The following PAPLN variants were observed in gnomAD, a reference collection of about 807,000 sequenced individuals.
PAPLN encodes the protein papilin, proteoglycan like sulfated glycoprotein, also known as papilin.
A neutral mutation model predicts 159.0 loss-of-function variants in PAPLN; 146 were observed. The ratio of observed to expected loss-of-function variants is 0.92; its 90% CI spans 0.80 to 1.05. The LOEUF is 1.05. Among genes scored for constraint, PAPLN ranks in the 50% least tolerant of loss-of-function variants. PAPLN has a pLI of 0.00. For missense variants in PAPLN, 1,720 were observed against 1,743.9 expected, an observed-to-expected ratio of 0.99 and a Z score of 0.24; for synonymous variants, 734 against 702.9, an observed-to-expected ratio of 1.04 and a Z score of -0.70.
chr14:73,260,093 T>C (rs1223360101), intron 16 of PAPLN, among the ~76,000 whole-genome samples: 1 of 152,082 alleles, frequency 6.6e-6, no homozygotes, highest in Non-Finnish European at 1.5e-5. Context: ...TGGGGGCAGT[T>C]CCCAGCTCAG....
chr14:73,249,866 C>T lies in PAPLN; in HGVS notation c.335-118C>T, dbSNP rs934940696. On this transcript the variant is annotated intron_variant, in intron 5 of 26. Coordinates refer to ENST00000644200, the MANE Select transcript of PAPLN (RefSeq NM_001365906.3). ...GGATGGGGCGGGGATCTGTGCTCTG[C>T]GGGGCCTGCTGCAGGGCTTTCTGAC... 20 of 1,201,306 alleles carry T rather than the reference C, an allele frequency of 1.7e-5. No homozygotes were observed. In the South Asian group the frequency reaches 1.7e-4, roughly 10 times the overall value. The allele number at this position is 1,201,306 out of a possible 1,614,324, so 74.4% of individuals were successfully genotyped here.
At chr14:73,258,086 C>T (rs1886133137) in intron 14 of PAPLN, among the ~76,000 whole-genome samples, 1 of 152,158 alleles carries the variant, frequency 6.6e-6, no homozygotes, top group Non-Finnish European at 1.5e-5. Flanking sequence ...CTTTCTATCC[C>T]TTTGTCTATT....
At chr14:73,257,671 G>A (rs1180627606) in intron 14 of PAPLN, among the ~76,000 whole-genome samples, 1 of 150,262 alleles carries the variant, frequency 6.7e-6, no homozygotes, top group Non-Finnish European at 1.5e-5. Flanking sequence ...GAAATGCATA[G>A]TGAGCAGCCA....
In PAPLN at chr14:73,257,753, C is replaced by CTTTT. The variant is rs562890068; in HGVS notation, c.1628-1201_1628-1198dup. ...GTTTTCATTATCTAGTCTCTTTCTT[C>CTTTT]TTTTTTTTTTTTTTTTTTTTTTTTT... On this transcript the variant is annotated intron_variant, in intron 14 of 26. Transcript: ENST00000644200. 8.9e-4 allele frequency among the ~76,000 whole-genome samples: 81 copies of CTTTT among 91,260 alleles called. 3 individuals are homozygous for CTTTT. The highest frequency in any genetic ancestry group is 1.3e-3 in the African/African-American group (31 of 24,670). 59.9% of individuals were successfully genotyped at this position (91,260 alleles called of 152,430 possible).
In PAPLN at chr14:73,259,386, C is replaced by T. The variant is rs777795728; in HGVS notation, c.1826C>T (p.Ala609Val). 4.3e-6 allele frequency: 7 copies of T among 1,612,346 alleles called. No individual in the cohort carries two copies. The highest frequency in any genetic ancestry group is 5.9e-6 in the Non-Finnish European group (7 of 1,179,390). Residue 609 changes from alanine (A) to valine (V), a missense_variant, in exon 16 of 27, where the codon GCT (alanine) becomes GTT (valine). By Grantham distance (64) the Ala-to-Val change is moderately conservative. Transcript: ENST00000644200. ...ACCCACCTGTCAGCCCTGGGCCCCG[C>T]TCCCTCTCTGCAGCAGCCCCCATAC... ...QGTHLSALGP[A>V]PSLQQPPYQQ...
At chr14:73,251,630 C>T (rs1885262305) in intron 8 of PAPLN, 34 bp from the exon 9 acceptor site, 2 of 1,613,382 alleles carry the variant, frequency 1.2e-6, no homozygotes, top group African/African-American at 2.7e-5. Context: ...GGCACTGCTC[C>T]CTCTGGCTGA....
At chr14:73,236,826 A>G (rs1177375219), upstream of PAPLN, among the ~76,000 whole-genome samples, 3 of 151,278 alleles carry the variant, frequency 2.0e-5, no homozygotes, top group Non-Finnish European at 4.4e-5. Flanking sequence ...AAAAAAAAAA[A>G]AAAGAAAAGG....
chr14:73,237,766 A>G (rs1475286256), intron 1 of PAPLN, among the ~76,000 whole-genome samples, 174 bp downstream of exon 1: 1 of 152,030 alleles, frequency 6.6e-6, no homozygotes, highest in Non-Finnish European at 1.5e-5. Flanking sequence ...GCGCAGGGTC[A>G]TCGCTCGGCA....
intron 2 of PAPLN, 45 bp downstream of exon 2, chr14:73,239,877 G>C: frequency 1.3e-6 from 2 of 1,523,492 alleles, no homozygotes; most frequent in Non-Finnish European, 1.8e-6. Context: ...CTGCAGGGGA[G>C]TCGGGGGCGG....
At chr14:73,247,698 G>A (rs1884604097) in intron 5 of PAPLN, among the ~76,000 whole-genome samples, 1 of 148,642 alleles carries the variant, frequency 6.7e-6, no homozygotes, top group Non-Finnish European at 1.5e-5. Flanking sequence ...GATCGTGGCT[G>A]TGGGCATGGC....
At position 73,261,450 on chromosome 14, in the gene PAPLN, G is replaced by A. The variant is rs191537235; in HGVS notation, c.2245+156G>A. ...TGCCTGCTAGGTGCCAGGCCAGAGA[G>A]CAGTGCCAGAGTGTTCTCGCATCCA... is the stretch of plus-strand genomic sequence containing the variant. On this transcript the variant is annotated intron_variant, in intron 18 of 26. Coordinates refer to ENST00000644200, the MANE Select transcript of PAPLN (RefSeq NM_001365906.3). Among the ~76,000 whole-genome samples, 481 of 152,366 alleles carry A rather than the reference G, an allele frequency of 3.2e-3. 1 individual carries two copies. The highest frequency in any genetic ancestry group is 0.011 in the African/African-American group (452 of 41,586).
chr14:73,258,618 T>TTAAAAAAAAAAAAAAAAA (rs1886187433), intron 14 of PAPLN, among the ~76,000 whole-genome samples: 2 of 75,766 alleles, frequency 2.6e-5, no homozygotes, highest in Non-Finnish European at 4.9e-5. Flanking sequence ...ACCCTATCTC[T>TTAAAAAAAAAAAAAAAAA]AAAAAAAAAA....
At chr14:73,239,718 G>A in intron 1 of PAPLN, 55 bp from the exon 2 acceptor site, 2 of 1,535,132 alleles carry the variant, frequency 1.3e-6, no homozygotes, top group East Asian at 2.4e-5. Context: ...TCTCGCCCGC[G>A]CCCAGGACAG....
At chr14:73,266,455 G>A (rs1261773813) in intron 23 of PAPLN, 46 bp from the exon 24 acceptor site, 2 of 1,605,888 alleles carry the variant, frequency 1.2e-6, no homozygotes, top group Admixed American at 3.4e-5. Context: ...TGGAGGAGAG[G>A]GGAGGCTCCT....
In PAPLN at chr14:73,264,249, C is replaced by T; in HGVS notation, c.2900C>T (p.Pro967Leu). 1 of 1,614,018 alleles carries T rather than the reference C, an allele frequency of 6.2e-7. No individual in the cohort carries two copies. Residue 967 changes from proline (P) to leucine (L), a missense_variant, in exon 21 of 27, where the codon CCC (proline) becomes CTC (leucine). Pro to Leu is a moderately conservative substitution (Grantham distance 98). Coordinates refer to ENST00000644200, the MANE Select transcript of PAPLN (RefSeq NM_001365906.3). The part of the protein sequence containing the change: ...LQFDGSLIIH[P>L]LQAEDAGTYS... ...TTCGACGGATCCCTGATCATCCACCCCCTGCAGGCAGAGGACGCGGGCACC... is the reference window on the plus strand; with the variant it reads ...TTCGACGGATCCCTGATCATCCACCTCCTGCAGGCAGAGGACGCGGGCACC...
chr14:73,264,718 T>A lies in PAPLN; in HGVS notation c.3117T>A (p.Pro1039=). 1 of 1,612,934 alleles carries A rather than the reference T, an allele frequency of 6.2e-7. No individual in the cohort carries two copies. The highest frequency in any genetic ancestry group is 8.5e-7 in the Non-Finnish European group (1 of 1,179,836). The change falls in exon 22 of 27, where the codon CCT becomes CCA. Residue 1039 remains proline, a synonymous_variant. Coordinates refer to ENST00000644200, the MANE Select transcript of PAPLN (RefSeq NM_001365906.3). The stretch of plus-strand genomic sequence containing the variant: ...CCATCCCCTCTTCACACCCACAGCC[T>A]GCAAACAGGTAAGAACTCAGCAATG... ...LGAIPSSHPQ[P]ANRLRLDQNQ...
rs772755579 is a variant in PAPLN, at chr14:73,259,498, C to T, written c.1938C>T (p.Leu646=). Reference sequence around the variant, plus strand: ...GCCCCGATGGCCACACGGCATCTCTCGGGCCTCAGTGGCAAGGCTGCCCTG... The same window carrying T: ...GCCCCGATGGCCACACGGCATCTCTTGGGCCTCAGTGGCAAGGCTGCCCTG... ...GCCPDGHTAS[L]GPQWQGCPGA... is the part of the protein sequence containing the mutation. Residue 646 remains leucine, a synonymous_variant, in exon 16 of 27, where the codon CTC becomes CTT. Transcript: ENST00000644200. The T allele has an allele frequency of 5.6e-6, 9 of 1,602,300 alleles. No homozygotes were observed. The highest frequency in any genetic ancestry group is 3.4e-5 in the Admixed American group (2 of 58,808).
chr14:73,250,997 G>A lies in PAPLN; in HGVS notation c.556G>A (p.Ala186Thr), dbSNP rs766579167. Residue 186 changes from alanine (A) to threonine (T), a missense_variant, in exon 7 of 27, where the codon GCA becomes ACA. Ala to Thr is a moderately conservative substitution (Grantham distance 58, BLOSUM62 0). Coordinates refer to ENST00000644200, the MANE Select transcript of PAPLN (RefSeq NM_001365906.3). ...TGACGGCACGACCTGCTACCCCGTC[G>A]CAGGCACCTTTGACGCTAATGACCT... ...GGDGTTCYPV[A>T]GTFDANDLSR... 20 of 1,613,248 alleles carry A rather than the reference G, an allele frequency of 1.2e-5. No homozygotes were observed. The South Asian group carries it at 1.4e-4, about 12-fold the overall frequency.
chr14:73,242,618 T>C (rs1883705596), intron 2 of PAPLN: 1 of 152,242 alleles, frequency 6.6e-6, no homozygotes, highest in Middle Eastern at 3.2e-3. Flanking sequence ...CAACACTCAG[T>C]GTCTTCCTTG....
Sources: gnomAD v4.1 joint callset for allele counts (sites outside exome capture counted in the v4.1 genomes callset) on GRCh38, gnomAD v4.1.1 for gene constraint, MANE v1.5 for transcripts, NCBI Gene and HGNC (gene_info 2026-07-23, HGNC 2026-07-21) for gene names.